Variants in SASH1 observed in about 807,000 individuals in gnomAD.
The protein encoded by SASH1 is SAM and SH3 domain-containing protein 1.
Under a neutral mutation model 125.2 loss-of-function variants are expected in SASH1, and 44 were observed. The observed-to-expected ratio is 0.35, with a 90% CI of 0.28 to 0.45. SASH1 has a LOEUF of 0.45. Ranked by LOEUF, SASH1 falls within the 20% of genes least tolerant of loss-of-function variation. The pLI is 1.00. For missense variants in SASH1, 1,426 were observed against 1,614.5 expected, an observed-to-expected ratio of 0.88 and a Z score of 2.00; for synonymous variants, 639 against 649.1, an observed-to-expected ratio of 0.98 and a Z score of 0.24.
chr6:148,225,390 C>A, the SASH1 span, among the ~76,000 whole-genome samples: 2 of 148,522 alleles, frequency 1.3e-5, no homozygotes, highest in South Asian at 2.2e-4. Context: ...TACTACTCAT[C>A]CATAAAAAGG....
rs1346016748 is a variant in SASH1 at position 148,421,216 on chromosome 6, A to AG, written c.286-18968_286-18967insG. 1.4e-4 allele frequency among the ~76,000 whole-genome samples: 18 copies of AG among 126,394 alleles called. 1 individual carries two copies. The highest frequency in any genetic ancestry group is 2.0e-4 in the Non-Finnish European group (11 of 54,424). 82.9% of individuals were successfully genotyped at this position (126,394 alleles called of 152,430 possible). On this transcript the variant is annotated intron_variant, in intron 2 of 19. Transcript: ENST00000367467. ...AAGAAAGAAAGAAAGAAAGAAAGAA[A>AG]AAGAAAGAAAGAAGGAAGTGACTAT...
At position 148,323,972 on chromosome 6, in the gene SASH1, A is replaced by G. The variant is rs142722985; in HGVS notation, n.74+51595A>G. ...AAACTCTGTCTCTACTAAAAATACA[A>G]AAATTAGCTGGGCGGAACACGCCTG... On this transcript the variant is annotated intron_variant and non_coding_transcript_variant, in intron 1 of 3. Coordinates refer to the SASH1 transcript ENST00000367469. 1.5e-3 allele frequency among the ~76,000 whole-genome samples: 228 copies of G among 151,940 alleles called. 1 individual carries two copies. The highest frequency in any genetic ancestry group is 6.9e-3 in the Middle Eastern group (2 of 290).
At chr6:148,325,305 T>G (rs753077636) in intron 1 of SASH1, among the ~76,000 whole-genome samples, 46 of 151,462 alleles carry the variant, frequency 3.0e-4, no homozygotes, top group Non-Finnish European at 4.7e-4. Context: ...AGACAGAGTC[T>G]TACTCTGTTG....
At chr6:148,239,516 C>T in the SASH1 span, among the ~76,000 whole-genome samples, 292 of 152,246 alleles carry the variant, frequency 1.9e-3, no homozygotes, top group African/African-American at 6.6e-3. Context: ...ATCTGGACTC[C>T]TTTTCATTGT....
intron 4 of SASH1, among the ~76,000 whole-genome samples, chr6:148,449,385 CTTTCT>C (rs1310235565): frequency 7.8e-6 from 1 of 127,392 alleles, no homozygotes; most frequent in Non-Finnish European, 1.7e-5. Context: ...TGGCTAATTT[CTTTCT>C]TTTTTTTTTT....
At chr6:148,263,658 T>C in the SASH1 span, among the ~76,000 whole-genome samples, 1 of 152,314 alleles carries the variant, frequency 6.6e-6, no homozygotes. Context: ...CCCCCGTTTT[T>C]GGAGTTCATA....
intron 8 of SASH1, chr6:148,508,596 G>A (rs1004260622): frequency 2.1e-5 from 24 of 1,130,196 alleles, no homozygotes; most frequent in East Asian, 6.6e-5. Flanking sequence ...CCTTTCTTGC[G>A]AGTTATGCAG....
Position 148,450,097 on chromosome 6 carries a change from C to G in SASH1, c.386+9690C>G, listed in dbSNP as rs151217698. 4.1e-3 allele frequency among the ~76,000 whole-genome samples: 619 copies of G among 152,318 alleles called. 1 individual carries two copies. Among genetic ancestry groups the G allele is most frequent in the South Asian group, 7.1e-3 (34 of 4,822 alleles). ...TGGGGACAGAAAGACCATACCCAAA[C>G]TATAGCACTCTCTGTTTATTTTTAA... On this transcript the variant is annotated intron_variant, in intron 4 of 19. Transcript: ENST00000367467.
intron 1 of SASH1, among the ~76,000 whole-genome samples, chr6:148,323,845 G>A (rs1007889459): frequency 2.0e-5 from 3 of 151,996 alleles, no homozygotes; most frequent in Admixed American, 2.0e-4. Flanking sequence ...AAACAAGCAT[G>A]GCAGGGCGCA....
intron 2 of SASH1, among the ~76,000 whole-genome samples, chr6:148,434,349 A>G (rs1001362854): frequency 7.9e-5 from 12 of 152,174 alleles, no homozygotes; most frequent in Non-Finnish European, 1.5e-4. Flanking sequence ...TGCTGGGATT[A>G]CAGGCATGAG....
chr6:148,346,007 C>T (rs1480647078), intron 1 of SASH1, among the ~76,000 whole-genome samples: 1 of 152,238 alleles, frequency 6.6e-6, no homozygotes, highest in African/African-American at 2.4e-5. Context: ...GGAAATTACA[C>T]ATCTGAACAT....
chr6:148,255,521 T>G, the SASH1 span, among the ~76,000 whole-genome samples: 1 of 152,174 alleles, frequency 6.6e-6, no homozygotes, highest in Non-Finnish European at 1.5e-5. Flanking sequence ...TATAACATCC[T>G]CTTATACACA....
intron 2 of SASH1, among the ~76,000 whole-genome samples, chr6:148,396,785 T>C (rs564946128): frequency 2.0e-5 from 3 of 152,318 alleles, no homozygotes; most frequent in African/African-American, 7.2e-5. Flanking sequence ...AAATTCTGGC[T>C]CTTTTACTTA....
chr6:148,428,632 A>G (rs1467684679), intron 2 of SASH1, among the ~76,000 whole-genome samples: 2 of 150,492 alleles, frequency 1.3e-5, no homozygotes, highest in Non-Finnish European at 3.0e-5. Context: ...TTTATCTCAA[A>G]AAAAAAAAAA....
intron 2 of SASH1, among the ~76,000 whole-genome samples, chr6:148,428,014 G>A (rs989425757): frequency 6.6e-6 from 1 of 152,192 alleles, no homozygotes; most frequent in African/African-American, 2.4e-5. Context: ...GAAGCCAGAG[G>A]AGAAATTTTT....
chr6:148,336,473 C>T (rs1446339558), intron 1 of SASH1, among the ~76,000 whole-genome samples: 3 of 152,052 alleles, frequency 2.0e-5, no homozygotes, highest in South Asian at 2.1e-4. Flanking sequence ...CCACCATGCC[C>T]GGCCCTGAAA....
intron 1 of SASH1, among the ~76,000 whole-genome samples, chr6:148,280,633 C>A (rs913157032): frequency 1.3e-5 from 2 of 152,028 alleles, no homozygotes; most frequent in African/African-American, 2.4e-5. Context: ...AATAGAGAGA[C>A]CCCGTCCCTA....
rs146874666 is a variant in SASH1, at chr6:148,375,177, A to C, written c.157-14957A>C. Among the ~76,000 whole-genome samples, 879 of 151,794 alleles carry C rather than the reference A, an allele frequency of 5.8e-3. 5 individuals carry two copies. The highest frequency in any genetic ancestry group is 0.02 in the African/African-American group (845 of 41,330). On this transcript the variant is annotated intron_variant, in intron 1 of 19. Transcript: ENST00000367467. ...ATCTAATTTTTTGCATGTTTTGTAG[A>C]GATAGGGTTTCACCATGTTGCCCAG...
chr6:148,345,260 AT>A (rs1457780249), intron 1 of SASH1, among the ~76,000 whole-genome samples: 2 of 152,072 alleles, frequency 1.3e-5, no homozygotes, highest in East Asian at 3.9e-4. Context: ...TTTTCTGCAG[AT>A]TTGCTTTCCC....
Sources: gnomAD v4.1 joint callset for allele counts (sites outside exome capture counted in the v4.1 genomes callset) on GRCh38, gnomAD v4.1.1 for gene constraint, MANE v1.5 for transcripts, NCBI Gene and HGNC (gene_info 2026-07-23, HGNC 2026-07-21) for gene names.